CFAP47: variants seen among roughly 807,000 people sequenced by gnomAD.
The protein encoded by CFAP47 is cilia- and flagella-associated protein 47.
In CFAP47, 29 loss-of-function variants were observed where a neutral mutation model predicts 148.1. The observed-to-expected ratio is 0.20, with a 90% CI of 0.15 to 0.27. CFAP47 has a LOEUF of 0.27. CFAP47 is among the 10% of genes least tolerant of loss of function. The pLI is 1.00. For missense variants in CFAP47, 1,872 were observed against 1,697.5 expected (o/e 1.10, Z -1.81); for synonymous variants, 664 against 577.3 (o/e 1.15, Z -2.15).
chrX:36,139,924 C>G (rs1373932833), intron 35 of CFAP47, among the ~76,000 whole-genome samples: 1 of 109,869 alleles, frequency 9.1e-6, no homozygotes, highest in Admixed American at 9.7e-5. Context: ...TTTTTTGGTA[C>G]AATTGTAAAG....
At chrX:36,122,181 C>T (rs1029746508) in intron 33 of CFAP47, among the ~76,000 whole-genome samples, 8 of 111,284 alleles carry the variant, frequency 7.2e-5, no homozygotes, top group South Asian at 3.8e-4. Flanking sequence ...TATTGGAGCA[C>T]AATTGTATGT....
chrX:36,342,747 A>G (rs1411012667), intron 57 of CFAP47, among the ~76,000 whole-genome samples: 1 of 112,202 alleles, frequency 8.9e-6, no homozygotes, highest in African/African-American at 3.2e-5. Context: ...TACAAGTATT[A>G]GAAGAAAACA....
At chrX:36,195,831 G>A (rs1268091510) in intron 42 of CFAP47, among the ~76,000 whole-genome samples, 2 of 111,501 alleles carry the variant, frequency 1.8e-5, no homozygotes, top group Non-Finnish European at 3.8e-5. Flanking sequence ...GAGTGAAATG[G>A]TTCTGAAAAA....
chrX:35,998,953 T>TATTTC (rs2146690368), intron 19 of CFAP47, among the ~76,000 whole-genome samples: 1 of 111,581 alleles, frequency 9.0e-6, no homozygotes, highest in African/African-American at 3.3e-5. Flanking sequence ...AATATTCCCT[T>TATTTC]ATAGCATTTT....
chrX:36,110,288 T>A (rs1196070191), intron 33 of CFAP47, among the ~76,000 whole-genome samples: 1 of 111,855 alleles, frequency 8.9e-6, no homozygotes, highest in African/African-American at 3.3e-5. Flanking sequence ...TTAATTTTTA[T>A]ATATAGTGTA....
rs1400056626 is a variant in CFAP47, at chrX:36,186,965, G to T, written c.6105-1655G>T. On this transcript the variant is annotated intron_variant, in intron 40 of 63. Transcript: ENST00000378653. The stretch of plus-strand genomic sequence containing the variant: ...ATAGTTTATGAGCATTTAGAAAGTG[G>T]TAGTGTGGACTGAGGTGCAAGGATT... Among the ~76,000 whole-genome samples the T allele has an allele frequency of 2.7e-5, 3 of 110,808 alleles. No individual in the cohort carries two copies. In the South Asian group the frequency reaches 1.1e-3, roughly 42 times the overall value.
chrX:36,369,706 T>G (rs1298609663), intron 62 of CFAP47, among the ~76,000 whole-genome samples: 1 of 111,299 alleles, frequency 9.0e-6, no homozygotes, highest in African/African-American at 3.3e-5. Flanking sequence ...ATAGCTGAAT[T>G]TGTACATTGT....
chrX:36,330,572 A>G (rs983797646), intron 57 of CFAP47, among the ~76,000 whole-genome samples: 6 of 111,925 alleles, frequency 5.4e-5, no homozygotes, highest in Non-Finnish European at 5.6e-5. Flanking sequence ...GCCTACCTTA[A>G]CATGGGATGC....
chrX:36,352,913 C>T (rs1333492333), intron 59 of CFAP47, among the ~76,000 whole-genome samples: 1 of 109,331 alleles, frequency 9.1e-6, no homozygotes, highest in Non-Finnish European at 1.9e-5. Flanking sequence ...TAAATCATTA[C>T]AATTTTACTT....
intron 46 of CFAP47, among the ~76,000 whole-genome samples, chrX:36,233,620 G>A (rs1940404791): frequency 9.0e-6 from 1 of 111,450 alleles, no homozygotes; most frequent in South Asian, 3.8e-4. Context: ...TTACATTTAA[G>A]GTTAATATTG....
chrX:35,952,950 TG>T (rs1158709802), intron 6 of CFAP47, among the ~76,000 whole-genome samples: 1 of 112,351 alleles, frequency 8.9e-6, no homozygotes, highest in Non-Finnish European at 1.9e-5. Flanking sequence ...GTCAGTATTT[TG>T]TAAATGTAGT....
chrX:36,174,683 T>C (rs1452000835), intron 39 of CFAP47, among the ~76,000 whole-genome samples: 1 of 111,377 alleles, frequency 9.0e-6, no homozygotes, highest in East Asian at 2.8e-4. Context: ...GTTAGTCTGA[T>C]GGGCTTCCCT....
intron 57 of CFAP47, among the ~76,000 whole-genome samples, chrX:36,333,062 T>C (rs1482440420): frequency 1.8e-5 from 2 of 111,721 alleles, no homozygotes; most frequent in Non-Finnish European, 3.8e-5. Flanking sequence ...TAGTTGGGGG[T>C]GTGAGATTTT....
At position 35,936,690 on chromosome X, in the gene CFAP47, C is replaced by T. The variant is rs186267565; in HGVS notation, c.402-4593C>T. ...CCCCATTTATGTTCAGCATGTTTTT[C>T]TTAGCCTATTTTGTATGCTGTGGTT... On this transcript the variant is annotated intron_variant, in intron 2 of 63. Coordinates refer to ENST00000378653, the MANE Select transcript of CFAP47 (RefSeq NM_001304548.2). 1.9e-3 allele frequency among the ~76,000 whole-genome samples: 214 copies of T among 111,005 alleles called. 1 individual carries two copies. The highest frequency in any genetic ancestry group is 6.7e-3 in the African/African-American group (205 of 30,534).
intron 16 of CFAP47, among the ~76,000 whole-genome samples, chrX:35,991,590 C>A (rs1936789845): frequency 9.1e-6 from 1 of 109,948 alleles, no homozygotes; most frequent in Non-Finnish European, 1.9e-5. Flanking sequence ...ACCTTGGGTA[C>A]TTTTTCATCA....
rs782117780 is a variant in CFAP47, at chrX:36,303,610, A to G, written c.7971-239A>G. On this transcript the variant is annotated intron_variant, in intron 53 of 63. Coordinates refer to ENST00000378653, the MANE Select transcript of CFAP47 (RefSeq NM_001304548.2). ...TATCTTCACATGATTCTATTTACAA[A>G]GACACCAGTCATACTGGATTAAGGG... Among the ~76,000 whole-genome samples, 153 of 110,847 alleles carry G rather than the reference A, an allele frequency of 1.4e-3. 1 individual carries two copies. The highest frequency in any genetic ancestry group is 4.8e-3 in the African/African-American group (145 of 30,512).
intron 62 of CFAP47, among the ~76,000 whole-genome samples, chrX:36,373,195 T>C (rs782526533): frequency 1.5e-4 from 17 of 111,796 alleles, no homozygotes; most frequent in Non-Finnish European, 2.3e-4. Context: ...CCATTTGTGT[T>C]TTTGTCAATA....
chrX:36,083,618 T>C lies in CFAP47; in HGVS notation c.4692-1696T>C, dbSNP rs748681206. On this transcript the variant is annotated intron_variant, in intron 29 of 63. Coordinates refer to ENST00000378653, the MANE Select transcript of CFAP47 (RefSeq NM_001304548.2). The stretch of plus-strand genomic sequence containing the variant: ...CTTTTGCACACTAGTATAACAATAA[T>C]GAGATATTCTACAATTCTTATGTTT... 3.6e-5 allele frequency among the ~76,000 whole-genome samples: 4 copies of C among 111,623 alleles called. No individual in the cohort carries two copies. The East Asian group carries it at 1.1e-3, about 31-fold the overall frequency.
chrX:36,103,523 A>C (rs1477723105), intron 32 of CFAP47, among the ~76,000 whole-genome samples: 3 of 103,158 alleles, frequency 2.9e-5, no homozygotes, highest in African/African-American at 7.0e-5. Context: ...AAAAAAAAAA[A>C]AAAAAACATC....
Sources: gnomAD v4.1 joint callset for allele counts (sites outside exome capture counted in the v4.1 genomes callset) on GRCh38, gnomAD v4.1.1 for gene constraint, MANE v1.5 for transcripts, NCBI Gene and HGNC (gene_info 2026-07-23, HGNC 2026-07-21) for gene names.